The following SLC9A2 variants were observed in gnomAD, a reference collection of about 807,000 sequenced individuals.
SLC9A2 encodes the protein sodium/hydrogen exchanger 2.
A neutral mutation model predicts 71.7 loss-of-function variants in SLC9A2; 42 were observed. The ratio of observed to expected loss-of-function variants is 0.59; its 90% CI spans 0.46 to 0.76. The LOEUF (loss-of-function observed/expected upper bound fraction) is 0.76. Ranked by LOEUF, SLC9A2 falls within the 30% of genes least tolerant of loss-of-function variation. The pLI, the probability that SLC9A2 is intolerant of heterozygous loss-of-function variation, is 0.00. For missense variants in SLC9A2, 829 were observed against 1,017.4 expected (o/e 0.81, Z 2.52); for synonymous variants, 396 against 392.5 (o/e 1.01, Z -0.10).
chr2:102,689,375 C>G (rs1160978748), intron 5 of SLC9A2, among the ~76,000 whole-genome samples: 1 of 152,160 alleles, frequency 6.6e-6, no homozygotes, highest in Non-Finnish European at 1.5e-5. Context: ...GCCTGACATT[C>G]TTGGCATCCC....
intron 5 of SLC9A2, among the ~76,000 whole-genome samples, chr2:102,685,360 G>A (rs950536364): frequency 9.2e-5 from 14 of 152,202 alleles, no homozygotes; most frequent in Admixed American, 3.3e-4. Flanking sequence ...GAAGCTTGGC[G>A]CTTCTTCAAG....
intron 1 of SLC9A2, among the ~76,000 whole-genome samples, chr2:102,625,927 A>G (rs1212780800): frequency 2.6e-5 from 4 of 152,228 alleles, no homozygotes; most frequent in Non-Finnish European, 5.9e-5. Context: ...ACTAGTTTAC[A>G]GTCCCACCAA....
At chr2:102,645,454 G>A (rs1218202818) in intron 1 of SLC9A2, among the ~76,000 whole-genome samples, 1 of 152,068 alleles carries the variant, frequency 6.6e-6, no homozygotes, top group African/African-American at 2.4e-5. Flanking sequence ...GGATGAGTTT[G>A]ACAAATTGAC....
At chr2:102,654,059 G>T (rs992465632) in intron 1 of SLC9A2, among the ~76,000 whole-genome samples, 7 of 152,282 alleles carry the variant, frequency 4.6e-5, no homozygotes, top group Admixed American at 3.9e-4. Flanking sequence ...GGAGGGCTGG[G>T]TTTCAAGTAA....
intron 2 of SLC9A2, among the ~76,000 whole-genome samples, chr2:102,659,127 C>A (rs1304393032): frequency 6.6e-6 from 1 of 152,072 alleles, no homozygotes; most frequent in East Asian, 1.9e-4. Flanking sequence ...ATTTAAAAGT[C>A]TACATAGTAG....
intron 3 of SLC9A2, among the ~76,000 whole-genome samples, chr2:102,682,512 G>A (rs1677472997): frequency 1.3e-5 from 2 of 152,166 alleles, no homozygotes; most frequent in Admixed American, 1.3e-4. Flanking sequence ...CTTTTCTCCA[G>A]GTGCCATATT....
At chr2:102,682,635 TA>T (rs1677475398) in intron 3 of SLC9A2, among the ~76,000 whole-genome samples, 1 of 152,216 alleles carries the variant, frequency 6.6e-6, no homozygotes, top group African/African-American at 2.4e-5. Flanking sequence ...CAGAACCTGT[TA>T]AAACCTTTTG....
intron 1 of SLC9A2, among the ~76,000 whole-genome samples, chr2:102,624,828 G>T (rs965992625): frequency 6.6e-6 from 1 of 152,140 alleles, no homozygotes; most frequent in Admixed American, 6.5e-5. Context: ...AAAGCAGTTT[G>T]CTTCATGAAG....
chr2:102,636,798 CT>C (rs1165256271), intron 1 of SLC9A2, among the ~76,000 whole-genome samples: 2 of 152,176 alleles, frequency 1.3e-5, no homozygotes, highest in African/African-American at 4.8e-5. Context: ...CTGGCACGCC[CT>C]AGTGGCCCTT....
At chr2:102,632,474 C>T (rs1456451121) in intron 1 of SLC9A2, among the ~76,000 whole-genome samples, 1 of 151,878 alleles carries the variant, frequency 6.6e-6, no homozygotes, top group Admixed American at 6.6e-5. Flanking sequence ...CTCACAATTA[C>T]ATCTTTTAAA....
intron 1 of SLC9A2, among the ~76,000 whole-genome samples, chr2:102,623,917 A>G (rs1296266487): frequency 6.6e-6 from 1 of 151,988 alleles, no homozygotes; most frequent in Non-Finnish European, 1.5e-5. Context: ...CTAATATAAT[A>G]TATATTACAT....
At chr2:102,701,362 G>GA in intron 8 of SLC9A2, 131 bp downstream of exon 8, 1 of 674,898 alleles carries the variant, frequency 1.5e-6, no homozygotes, top group South Asian at 2.4e-5. Flanking sequence ...AGAGTGCTGG[G>GA]ATTACAGGCA....
rs763242098 is a variant in SLC9A2 at position 102,683,221 on chromosome 2, CATT to C, written c.1005-39_1005-37del. 5.3e-5 allele frequency: 75 copies of C among 1,422,442 alleles called. No homozygotes were observed. In the Admixed American group the frequency reaches 1.2e-3, roughly 24 times the overall value. The allele number at this position is 1,422,442 out of a possible 1,614,324, so 88.1% of individuals were successfully genotyped here. On this transcript the variant is annotated intron_variant, in intron 3 of 11. Transcript: ENST00000233969. ...CTATCTCTTGCATTCTGATTAAGAT[CATT>C]GTTAGGTTTCAATAGAAGCTGAATC...
intron 1 of SLC9A2, among the ~76,000 whole-genome samples, chr2:102,622,041 T>C (rs967890252): frequency 6.6e-6 from 1 of 152,194 alleles, no homozygotes; most frequent in African/African-American, 2.4e-5. Flanking sequence ...GAGACACATA[T>C]TATTTAACAA....
At chr2:102,655,534 A>AACAT (rs1676922997) in intron 1 of SLC9A2, among the ~76,000 whole-genome samples, 1 of 152,174 alleles carries the variant, frequency 6.6e-6, no homozygotes, top group Non-Finnish European at 1.5e-5. Flanking sequence ...ACAAGACATA[A>AACAT]ACATACACAT....
At chr2:102,676,544 T>G (rs1677349385) in intron 3 of SLC9A2, among the ~76,000 whole-genome samples, 1 of 152,240 alleles carries the variant, frequency 6.6e-6, no homozygotes, top group Admixed American at 6.5e-5. Flanking sequence ...TTCAATGTAC[T>G]TTATTTCATT....
rs1678089484 is a variant in SLC9A2, at chr2:102,710,642, T to C, written c.*2153T>C. 1 of 152,266 alleles carries C rather than the reference T, an allele frequency of 6.6e-6. No individual in the cohort carries two copies. The highest frequency in any genetic ancestry group is 1.5e-5 in the Non-Finnish European group (1 of 68,022). The allele number at this position is 152,266 out of a possible 1,614,324, so 9.4% of individuals were successfully genotyped here. On this transcript the variant is annotated 3_prime_UTR_variant, in exon 12 of 12. Coordinates refer to ENST00000233969, the MANE Select transcript of SLC9A2 (RefSeq NM_003048.6). ...TTTGTTTGTTGAATGACAAAGGCAATAAAAATAAATTTGACTTTAGCTTTT... is the reference window on the plus strand; with the variant it reads ...TTTGTTTGTTGAATGACAAAGGCAACAAAAATAAATTTGACTTTAGCTTTT...
At chr2:102,631,676 C>T (rs1676359132) in intron 1 of SLC9A2, among the ~76,000 whole-genome samples, 1 of 151,798 alleles carries the variant, frequency 6.6e-6, no homozygotes, top group Admixed American at 6.6e-5. Context: ...TATAGAAGGC[C>T]TAATTCTCAT....
At chr2:102,688,834 A>G (rs1309967271) in intron 5 of SLC9A2, among the ~76,000 whole-genome samples, 2 of 152,226 alleles carry the variant, frequency 1.3e-5, no homozygotes, top group Non-Finnish European at 2.9e-5. Flanking sequence ...TTAGAATACA[A>G]TAATTATTAT....
Sources: gnomAD v4.1 joint callset for allele counts (sites outside exome capture counted in the v4.1 genomes callset) on GRCh38, gnomAD v4.1.1 for gene constraint, MANE v1.5 for transcripts, NCBI Gene and HGNC (gene_info 2026-07-23, HGNC 2026-07-21) for gene names.